The following SPATA16 variants were observed in gnomAD, a reference collection of about 807,000 sequenced individuals.
The protein encoded by SPATA16 is spermatogenesis-associated protein 16.
A neutral mutation model predicts 63.3 loss-of-function variants in SPATA16; 36 were observed. That is an observed-to-expected ratio of 0.57 (90% CI 0.44 to 0.75). The LOEUF is 0.75. SPATA16 is among the 30% of genes least tolerant of loss of function. SPATA16 has a pLI of 0.00. For synonymous variants in SPATA16, 203 were observed against 216.7 expected (o/e 0.94, Z 0.56); for missense variants, 646 against 679.3 (o/e 0.95, Z 0.54).
chr3:173,140,388 T>C (rs1230259660), intron 1 of SPATA16, among the ~76,000 whole-genome samples: 1 of 152,218 alleles, frequency 6.6e-6, no homozygotes, highest in African/African-American at 2.4e-5. Context: ...TAAACAAAGC[T>C]GGAACCTATT....
intron 3 of SPATA16, among the ~76,000 whole-genome samples, chr3:173,020,937 C>T (rs1735317608): frequency 6.6e-6 from 1 of 152,158 alleles, no homozygotes; most frequent in Non-Finnish European, 1.5e-5. Flanking sequence ...GAGAGGTATA[C>T]AGTGCTTTCG....
At chr3:173,023,759 CAG>C (rs996308325) in intron 3 of SPATA16, among the ~76,000 whole-genome samples, 33 of 151,400 alleles carry the variant, frequency 2.2e-4, no homozygotes, top group African/African-American at 7.0e-4. Context: ...TTTAAAAAAA[CAG>C]AAATTTTACT....
rs181715929 is a variant in SPATA16, at chr3:173,012,366, A to G, written c.848+7120T>C. The stretch of plus-strand genomic sequence containing the variant: ...GGTCATATTGCCCAAAGCAATCTAC[A>G]GATTCAACACTATTCCTATCAAACT... On this transcript the variant is annotated intron_variant, in intron 4 of 10. Coordinates refer to ENST00000351008, the MANE Select transcript of SPATA16 (RefSeq NM_031955.6). Among the ~76,000 whole-genome samples, 18 of 152,366 alleles carry G rather than the reference A, an allele frequency of 1.2e-4. No individual in the cohort carries two copies. In the East Asian group the frequency reaches 3.1e-3, roughly 26 times the overall value.
intron 6 of SPATA16, among the ~76,000 whole-genome samples, chr3:172,937,581 T>C (rs1462720773): frequency 6.6e-6 from 1 of 151,334 alleles, no homozygotes; most frequent in Non-Finnish European, 1.5e-5. Context: ...GAGGAAATTA[T>C]GCAGGAACAA....
At chr3:172,965,616 T>G (rs1733899646) in intron 5 of SPATA16, among the ~76,000 whole-genome samples, 1 of 152,002 alleles carries the variant, frequency 6.6e-6, no homozygotes, top group South Asian at 2.1e-4. Context: ...ATCAGACACC[T>G]TATATTTTTC....
chr3:172,917,967 C>A (rs1366344048), intron 8 of SPATA16, among the ~76,000 whole-genome samples: 1 of 152,158 alleles, frequency 6.6e-6, no homozygotes, highest in Admixed American at 6.5e-5. Flanking sequence ...TTTATTTGTC[C>A]CTAACACCTA....
chr3:172,910,966 C>T (rs558737790), intron 10 of SPATA16, among the ~76,000 whole-genome samples: 38 of 152,328 alleles, frequency 2.5e-4, no homozygotes, highest in South Asian at 1.4e-3. Context: ...ACTCCAAATC[C>T]GCTCTTTTAT....
chr3:173,029,037 A>AACCAG (rs1735535849), intron 3 of SPATA16, among the ~76,000 whole-genome samples: 1 of 152,032 alleles, frequency 6.6e-6, no homozygotes, highest in Non-Finnish European at 1.5e-5. Context: ...GCCAGGCAAA[A>AACCAG]ACCAGTTATA....
At chr3:172,904,855 C>T (rs114366598) in intron 10 of SPATA16, among the ~76,000 whole-genome samples, 2,938 of 152,274 alleles carry the variant, frequency 0.019, 30 homozygotes, top group Middle Eastern at 0.058. Flanking sequence ...CCTCCCTTCC[C>T]GGGTCCGATT....
chr3:172,961,229 G>C (rs1225353225), intron 5 of SPATA16, among the ~76,000 whole-genome samples: 1 of 151,908 alleles, frequency 6.6e-6, no homozygotes, highest in African/African-American at 2.4e-5. Context: ...TAGAAAATGT[G>C]ATGATGATTA....
chr3:172,934,169 A>G (rs1286582239), intron 6 of SPATA16, among the ~76,000 whole-genome samples: 1 of 152,152 alleles, frequency 6.6e-6, no homozygotes, highest in Non-Finnish European at 1.5e-5. Context: ...CTCACAGAAA[A>G]TGACTTGTGG....
chr3:172,894,542 A>T (rs1731968041), intron 10 of SPATA16, among the ~76,000 whole-genome samples: 1 of 151,818 alleles, frequency 6.6e-6, no homozygotes, highest in Admixed American at 6.6e-5. Context: ...AATACCCATA[A>T]TGATAACACT....
chr3:173,140,856 G>C (rs1395510027), intron 1 of SPATA16, among the ~76,000 whole-genome samples: 1 of 152,100 alleles, frequency 6.6e-6, no homozygotes, highest in Non-Finnish European at 1.5e-5. Context: ...AGGGTGACCC[G>C]GTGCAGCGGA....
At chr3:173,064,400 A>G (rs184678852) in intron 2 of SPATA16, among the ~76,000 whole-genome samples, 92 of 151,728 alleles carry the variant, frequency 6.1e-4, no homozygotes, top group African/African-American at 2.1e-3. Flanking sequence ...ACATCACTTG[A>G]TTTTAATCCC....
intron 2 of SPATA16, among the ~76,000 whole-genome samples, chr3:173,096,627 A>G (rs1737356840): frequency 6.6e-6 from 1 of 152,152 alleles, no homozygotes; most frequent in Admixed American, 6.6e-5. Context: ...GTGAGAATAA[A>G]GGAAAATAGA....
At chr3:172,916,977 G>C (rs74869483) in intron 8 of SPATA16, among the ~76,000 whole-genome samples, 76 of 152,320 alleles carry the variant, frequency 5.0e-4, no homozygotes, top group African/African-American at 1.7e-3. Flanking sequence ...AAACCTCTAA[G>C]CTCTGCTTTT....
intron 2 of SPATA16, among the ~76,000 whole-genome samples, chr3:173,064,718 T>C (rs1736473619): frequency 1.3e-5 from 2 of 152,180 alleles, no homozygotes; most frequent in African/African-American, 2.4e-5. Flanking sequence ...GTAAGACAAC[T>C]GTGCAAGCAT....
chr3:172,900,523 T>C (rs566224487), intron 10 of SPATA16, among the ~76,000 whole-genome samples: 2 of 152,354 alleles, frequency 1.3e-5, no homozygotes, highest in East Asian at 3.9e-4. Context: ...TTATTCTTAC[T>C]CTGAAACTCT....
chr3:173,100,549 T>C (rs982471331), intron 2 of SPATA16, among the ~76,000 whole-genome samples: 7 of 152,068 alleles, frequency 4.6e-5, no homozygotes, highest in East Asian at 3.9e-4. Flanking sequence ...AAAATATTTA[T>C]TTGTGTGTTT....
Sources: allele counts gnomAD v4.1 joint callset (sites outside exome capture counted in the v4.1 genomes callset), GRCh38; gene constraint gnomAD v4.1.1; transcripts MANE v1.5; gene names NCBI Gene and HGNC (gene_info 2026-07-23, HGNC 2026-07-21).